The following DHX8 variants were observed in gnomAD, a reference collection of about 807,000 sequenced individuals.
DHX8 encodes ATP-dependent RNA helicase DHX8.
Under a neutral mutation model 140.7 loss-of-function variants are expected in DHX8, and 67 were observed. That is an observed-to-expected ratio of 0.48 (90% confidence interval 0.39 to 0.58). DHX8 has a LOEUF of 0.58. Ranked by LOEUF, DHX8 falls within the 20% of genes least tolerant of loss-of-function variation. DHX8 has a pLI of 0.00. For synonymous variants in DHX8, 533 were observed against 553.2 expected (o/e 0.96, Z 0.51); for missense variants, 887 against 1,550.7 (o/e 0.57, Z 7.19).
chr17:43,507,842 G>A lies in DHX8; in HGVS notation c.2143G>A (p.Val715Ile). 6.2e-7 allele frequency: 1 copy of A among 1,614,142 alleles called. No individual in the cohort carries two copies. The highest frequency in any genetic ancestry group is 8.5e-7 in the Non-Finnish European group (1 of 1,180,030). The change falls in exon 15 of 23, where the codon GTC (valine) becomes ATC (isoleucine). Residue 715 changes from valine to isoleucine, a missense_variant. This residue lies in a region of DHX8 where 178 missense variants were observed against 398.5 expected (regional missense o/e 0.45). Coordinates refer to ENST00000262415, the MANE Select transcript of DHX8 (RefSeq NM_004941.3). ...VQKRQDMKLI[V>I]TSATLDAVKF... is the part of the protein sequence containing the mutation. ...GAAACGGCAGGACATGAAGCTGATT[G>A]TCACCTCAGCCACCTTGGATGCAGT...
intron 3 of DHX8, among the ~76,000 whole-genome samples, chr17:43,539,039 A>G (rs923988580): frequency 6.6e-6 from 1 of 152,172 alleles, no homozygotes; most frequent in Non-Finnish European, 1.5e-5. Flanking sequence ...TCTTACCAGG[A>G]TACCCTATTT....
chr17:43,485,114 C>T (rs919985024), intron 1 of DHX8, among the ~76,000 whole-genome samples: 1 of 152,146 alleles, frequency 6.6e-6, no homozygotes, highest in African/African-American at 2.4e-5. Context: ...ATGGATTGAC[C>T]TTTGGTACGT....
rs1970511410 is a variant in DHX8 at position 43,523,954 on chromosome 17, A to C, written c.*107A>C. ...AGCTGTCCCGTGACTGACTGTCTTA[A>C]CTGAGCATTTTCTCAACTCGACTCT... On this transcript the variant is annotated 3_prime_UTR_variant, in exon 23 of 23. Coordinates refer to ENST00000262415, the MANE Select transcript of DHX8 (RefSeq NM_004941.3). 1 of 1,501,482 alleles carries C rather than the reference A, an allele frequency of 6.7e-7. No individual in the cohort carries two copies. The highest frequency in any genetic ancestry group is 1.4e-5 in the African/African-American group (1 of 72,160). The allele number at this position is 1,501,482 out of a possible 1,614,324, so 93.0% of individuals were successfully genotyped here. A position where few individuals can be genotyped will look rare whatever the true frequency, so the allele number is the denominator to read the frequency against.
intron 2 of DHX8, among the ~76,000 whole-genome samples, chr17:43,531,850 CATCCT>C (rs754446240): frequency 2.3e-4 from 35 of 152,202 alleles, no homozygotes; most frequent in Non-Finnish European, 3.7e-4. Flanking sequence ...GGACCAGACA[CATCCT>C]ATTCATCTTT....
At position 43,492,911 on chromosome 17, in the gene DHX8, A is replaced by T. The variant is rs765884874; in HGVS notation, c.734A>T (p.Asn245Ile). 2.5e-6 allele frequency: 4 copies of T among 1,614,228 alleles called. No individual in the cohort carries two copies. In the East Asian group the frequency reaches 6.7e-5, roughly 27 times the overall value. The change falls in exon 6 of 23, where the codon AAT (asparagine) becomes ATT (isoleucine). Residue 245 changes from asparagine (N) to isoleucine (I), a missense_variant. This residue lies in a region of DHX8 where 304 missense variants were observed against 306.9 expected (regional missense o/e 0.99). Coordinates refer to ENST00000262415, the MANE Select transcript of DHX8 (RefSeq NM_004941.3). ...RKDRDKYGERNLDRWRDKHVD... is the reference protein window; with the variant it reads ...RKDRDKYGERILDRWRDKHVD... ...GACCGGGACAAATATGGAGAGCGGA[A>T]TCTGGATAGATGGCGGGATAAGCAT...
chr17:43,530,391 G>A, downstream of DHX8: 1 of 1,434,642 alleles, frequency 7.0e-7, no homozygotes, highest in Non-Finnish European at 9.1e-7. Context: ...CAACTTGAGG[G>A]CTGCGGCTGA....
downstream of DHX8, chr17:43,530,251 C>A (rs1226150664): frequency 1.3e-6 from 2 of 1,542,908 alleles, no homozygotes; most frequent in Non-Finnish European, 8.8e-7. Context: ...AGGAGGAAGT[C>A]CTATCCACAT....
Position 43,524,053 on chromosome 17 carries a change from C to T in DHX8, c.*206C>T. The T allele has an allele frequency of 2.1e-6, 3 of 1,413,838 alleles. No individual in the cohort carries two copies. Among genetic ancestry groups the T allele is most frequent in the Non-Finnish European group, 2.8e-6 (3 of 1,086,992 alleles). 87.6% of individuals were successfully genotyped at this position (1,413,838 alleles called of 1,614,324 possible). ...TGGCAAGAGCCTGCAGCCTCCATCACCCCAAGTCCTTGGGCCCAGTTGGGA... is the reference window on the plus strand; with the variant it reads ...TGGCAAGAGCCTGCAGCCTCCATCATCCCAAGTCCTTGGGCCCAGTTGGGA... On this transcript the variant is annotated 3_prime_UTR_variant, in exon 23 of 23. Transcript: ENST00000262415.
chr17:43,490,561 AGTAAAT>A (rs1403458572), intron 3 of DHX8, 98 bp downstream of exon 3: 5 of 1,007,096 alleles, frequency 5.0e-6, no homozygotes, highest in African/African-American at 1.6e-5. Context: ...TTGCTGAGCA[AGTAAAT>A]GTTCCAGTAA....
At chr17:43,541,350 T>G (rs1294297580) in intron 3 of DHX8, among the ~76,000 whole-genome samples, 2 of 152,188 alleles carry the variant, frequency 1.3e-5, no homozygotes, top group African/African-American at 4.8e-5. Context: ...TTTGTTAACT[T>G]GGCTGAGTCT....
At chr17:43,530,330 A>G (rs1970847462), downstream of DHX8, 7 of 1,479,434 alleles carry the variant, frequency 4.7e-6, no homozygotes, top group African/African-American at 5.6e-5. Context: ...GCCAACCACA[A>G]AATCCCAGGG....
intron 18 of DHX8, chr17:43,519,102 C>G (rs1789234300): frequency 6.6e-6 from 1 of 152,122 alleles, no homozygotes; most frequent in Non-Finnish European, 1.5e-5. Context: ...GCTTTCAGTT[C>G]TTTTGGATAT....
chr17:43,512,487 A>G (rs921239884), intron 16 of DHX8, among the ~76,000 whole-genome samples: 1 of 151,836 alleles, frequency 6.6e-6, no homozygotes, highest in Non-Finnish European at 1.5e-5. Flanking sequence ...AGGGTGAGGG[A>G]AGTCAGGCAT....
At chr17:43,488,096 G>A (rs904186641) in intron 1 of DHX8, among the ~76,000 whole-genome samples, 2 of 152,078 alleles carry the variant, frequency 1.3e-5, no homozygotes, top group African/African-American at 2.4e-5. Flanking sequence ...TGGCCAATAT[G>A]GTGAAATCCT....
intron 2 of DHX8, chr17:43,533,297 G>C: frequency 6.2e-7 from 1 of 1,613,954 alleles, no homozygotes; most frequent in East Asian, 2.2e-5. Context: ...ACTGTCCAAG[G>C]GCACCAGGGG....
intron 2 of DHX8, chr17:43,532,783 A>C: frequency 6.2e-7 from 1 of 1,613,926 alleles, no homozygotes; most frequent in Non-Finnish European, 8.5e-7. Context: ...CCGCCTGTTC[A>C]TACAGGGGAT....
At chr17:43,484,501 T>C (rs1968009948) in intron 1 of DHX8, among the ~76,000 whole-genome samples, 1 of 152,182 alleles carries the variant, frequency 6.6e-6, no homozygotes, top group Admixed American at 6.5e-5. Flanking sequence ...ATGACGACGA[T>C]GATGGCTGAC....
At chr17:43,522,959 AG>A (rs1483553912) in intron 22 of DHX8, among the ~76,000 whole-genome samples, 1 of 149,554 alleles carries the variant, frequency 6.7e-6, no homozygotes, top group East Asian at 2.0e-4. Context: ...GCTACTTGGG[AG>A]GCTGAGACAT....
chr17:43,528,518 G>A, downstream of DHX8: 1 of 1,600,134 alleles, frequency 6.2e-7, no homozygotes, highest in Non-Finnish European at 8.5e-7. Flanking sequence ...GCCGCTGGGG[G>A]CTAGTAAGAG....
Sources: gnomAD v4.1 joint callset for allele counts (sites outside exome capture counted in the v4.1 genomes callset) on GRCh38, gnomAD v4.1.1 for gene constraint, gnomAD v4.1.1 regional missense constraint, MANE v1.5 for transcripts, NCBI Gene and HGNC (gene_info 2026-07-23, HGNC 2026-07-21) for gene names.